Variants in APBA1 observed in about 807,000 individuals in gnomAD.
APBA1 encodes amyloid beta precursor protein binding family A member 1.
APBA1 carries 55 observed loss-of-function variants against 86.6 expected under a neutral mutation model. The observed-to-expected ratio is 0.64, with a 90% CI of 0.51 to 0.80. APBA1 has a LOEUF of 0.80. APBA1 is among the 30% of genes least tolerant of loss of function. The pLI is 0.00. For missense variants in APBA1, 1,090 were observed against 1,183.0 expected, an observed-to-expected ratio of 0.92 and a Z score of 1.15; for synonymous variants, 511 against 493.9, an observed-to-expected ratio of 1.03 and a Z score of -0.46.
intron 1 of APBA1, among the ~76,000 whole-genome samples, chr9:69,571,706 A>G (rs1444933002): frequency 6.6e-6 from 1 of 152,172 alleles, no homozygotes; most frequent in Non-Finnish European, 1.5e-5. Context: ...TCTAGTGTTG[A>G]TAACTATTAT....
At position 69,672,297 on chromosome 9, in the gene APBA1, C is replaced by CGCCGCCGCCGGGACCGCA. The variant is rs1455179351; in HGVS notation, c.-232_-215dup. The CGCCGCCGCCGGGACCGCA allele has an allele frequency of 5.7e-6, 1 of 176,020 alleles. No homozygotes were observed. The highest frequency in any genetic ancestry group is 1.2e-5 in the Non-Finnish European group (1 of 86,772). The allele number at this position is 176,020 out of a possible 1,614,324, so 10.9% of individuals were successfully genotyped here. A position where few individuals can be genotyped will look rare whatever the true frequency, so the allele number is the denominator to read the frequency against. On this transcript the variant is annotated 5_prime_UTR_variant, in exon 1 of 13. Coordinates refer to ENST00000265381, the MANE Select transcript of APBA1 (RefSeq NM_001163.4). ...CTCCCGCCGCAGCTGCCGCCGCCGC[C>CGCCGCCGCCGGGACCGCA]GCCGCCGCCGGGACCGCAGCCGCCC...
chr9:69,503,594 T>C (rs1208230747), intron 2 of APBA1, among the ~76,000 whole-genome samples: 2 of 152,170 alleles, frequency 1.3e-5, no homozygotes, highest in Non-Finnish European at 2.9e-5. Flanking sequence ...TTGCATTTCT[T>C]GCCAATATAA....
At position 69,516,458 on chromosome 9, in the gene APBA1, C is replaced by G. The variant is rs1185512315; in HGVS notation, c.753G>C (p.Lys251Asn). 6.2e-7 allele frequency: 1 copy of G among 1,602,772 alleles called. No homozygotes were observed. The highest frequency in any genetic ancestry group is 8.5e-7 in the Non-Finnish European group (1 of 1,178,588). ...RSDGESDSPE[K>N]EAEFAPYPRM... ...GCGGGTAGGGCGCGAACTCGGCCTC[C>G]TTCTCGGGGCTGTCGGACTCGCCGT... The change falls in exon 2 of 13, where the codon AAG (lysine) becomes AAC (asparagine). Residue 251 changes from lysine to asparagine, a missense_variant. By Grantham distance (94) the Lys-to-Asn change is moderately conservative (BLOSUM62 0). Coordinates refer to ENST00000265381, the MANE Select transcript of APBA1 (RefSeq NM_001163.4). This position sits in a 1 kb window ranked among gnomAD's most constrained non-coding sequence, Gnocchi z 7.3.
chr9:69,481,831 T>C (rs1208358332), intron 2 of APBA1, among the ~76,000 whole-genome samples: 1 of 151,960 alleles, frequency 6.6e-6, no homozygotes, highest in Admixed American at 6.5e-5. Flanking sequence ...TCTACAACTA[T>C]CTGATCTTTG....
intron 2 of APBA1, among the ~76,000 whole-genome samples, chr9:69,496,413 C>T (rs1835795491): frequency 6.6e-6 from 1 of 152,052 alleles, no homozygotes. Flanking sequence ...ACACAAAGGG[C>T]CTGTGAACAA....
At chr9:69,514,421 C>T (rs12349176) in intron 2 of APBA1, among the ~76,000 whole-genome samples, 22,869 of 152,012 alleles carry the variant, frequency 0.15, 2,292 homozygotes, top group East Asian at 0.28. Context: ...TGAAACCCCA[C>T]TCCTACTAAA....
intron 1 of APBA1, among the ~76,000 whole-genome samples, chr9:69,577,771 C>T (rs1821832632): frequency 6.6e-6 from 1 of 152,132 alleles, no homozygotes; most frequent in South Asian, 2.1e-4. Flanking sequence ...AATCATCTGG[C>T]TAACCAGTCT....
chr9:69,510,219 A>G (rs1211523365), intron 2 of APBA1, among the ~76,000 whole-genome samples: 1 of 151,452 alleles, frequency 6.6e-6, no homozygotes, highest in East Asian at 1.9e-4. Flanking sequence ...CAACTTCAGC[A>G]AAGTCTCAGG....
chr9:69,655,902 G>C (rs1823599098), intron 1 of APBA1, among the ~76,000 whole-genome samples: 1 of 152,166 alleles, frequency 6.6e-6, no homozygotes, highest in African/African-American at 2.4e-5. Flanking sequence ...GATCTTGAAA[G>C]TTATCGCCAC....
intron 1 of APBA1, among the ~76,000 whole-genome samples, chr9:69,536,581 C>T (rs1490414343): frequency 6.6e-6 from 1 of 151,344 alleles, no homozygotes; most frequent in Non-Finnish European, 1.5e-5. Flanking sequence ...AGAACATTCA[C>T]ATAGGCTGGG....
intron 1 of APBA1, among the ~76,000 whole-genome samples, chr9:69,540,851 C>G (rs1836597096): frequency 6.6e-6 from 1 of 152,186 alleles, no homozygotes; most frequent in Non-Finnish European, 1.5e-5. Flanking sequence ...GAAATCCTCC[C>G]AACTTGGCTT....
chr9:69,617,336 T>C (rs995399602), intron 1 of APBA1, among the ~76,000 whole-genome samples: 3 of 152,050 alleles, frequency 2.0e-5, no homozygotes, highest in Non-Finnish European at 2.9e-5. Context: ...AAGATTAATA[T>C]TGTAGTGGTG....
At chr9:69,587,010 A>T (rs1822032794) in intron 1 of APBA1, among the ~76,000 whole-genome samples, 1 of 152,254 alleles carries the variant, frequency 6.6e-6, no homozygotes, top group African/African-American at 2.4e-5. Context: ...AATATGGTCC[A>T]TTGATCAGAG....
intron 2 of APBA1, among the ~76,000 whole-genome samples, chr9:69,492,028 G>GT (rs1835722096): frequency 6.6e-6 from 1 of 152,090 alleles, no homozygotes. Context: ...GCCTCCCATA[G>GT]TGCTGGGATT....
At chr9:69,564,826 C>T (rs1297189287) in intron 1 of APBA1, among the ~76,000 whole-genome samples, 2 of 152,034 alleles carry the variant, frequency 1.3e-5, no homozygotes, top group African/African-American at 4.8e-5. Context: ...AGCATGTACC[C>T]AAAAGAGTTG....
At chr9:69,625,772 T>C (rs1415510683) in intron 1 of APBA1, among the ~76,000 whole-genome samples, 1 of 152,176 alleles carries the variant, frequency 6.6e-6, no homozygotes, top group Non-Finnish European at 1.5e-5. Flanking sequence ...TTCCAACGAC[T>C]TTAAGAGGTT....
chr9:69,527,386 C>T (rs1376321149), intron 1 of APBA1, among the ~76,000 whole-genome samples: 1 of 152,006 alleles, frequency 6.6e-6, no homozygotes, highest in South Asian at 2.1e-4. Flanking sequence ...GGGTATAGAT[C>T]AATTAATCAA....
In APBA1 at chr9:69,431,005, G is replaced by T. The variant is rs570568545; in HGVS notation, c.*322C>A. The stretch of plus-strand genomic sequence containing the variant: ...AAGTCTGCACCTCCTGGGAAGGGAG[G>T]ATTCTCCCTCAAGCAGTGACAGCCC... On this transcript the variant is annotated 3_prime_UTR_variant, in exon 13 of 13. Transcript: ENST00000265381. 1.1e-4 allele frequency: 29 copies of T among 270,102 alleles called. No individual in the cohort carries two copies. In the East Asian group the frequency reaches 1.5e-3, roughly 14 times the overall value. 16.7% of individuals were successfully genotyped at this position (270,102 alleles called of 1,614,324 possible).
At chr9:69,583,297 G>A (rs929522375) in intron 1 of APBA1, among the ~76,000 whole-genome samples, 7 of 152,106 alleles carry the variant, frequency 4.6e-5, no homozygotes, top group Non-Finnish European at 7.4e-5. Flanking sequence ...GACTCTGTCC[G>A]CTCTATGTGA....
Sources: gnomAD v4.1 joint callset for allele counts (sites outside exome capture counted in the v4.1 genomes callset) on GRCh38, gnomAD v4.1.1 for gene constraint, Gnocchi (gnomAD v3.1) non-coding constraint, MANE v1.5 for transcripts, NCBI Gene and HGNC (gene_info 2026-07-23, HGNC 2026-07-21) for gene names.